The following OGDH variants were observed in gnomAD, a reference collection of about 807,000 sequenced individuals.
The protein encoded by OGDH is 2-oxoglutarate dehydrogenase complex component E1.
OGDH carries 38 observed loss-of-function variants against 116.6 expected under a neutral mutation model. The ratio of observed to expected loss-of-function variants is 0.33; its 90% CI spans 0.25 to 0.43. OGDH has a LOEUF of 0.43. Among genes scored for constraint, OGDH ranks in the 20% least tolerant of loss-of-function variants. The pLI is 1.00. For synonymous variants in OGDH, 488 were observed against 533.3 expected (o/e 0.92, Z 1.17); for missense variants, 825 against 1,357.2 (o/e 0.61, Z 6.16).
chr7:44,675,640 G>A (rs1208125747), intron 8 of OGDH, among the ~76,000 whole-genome samples: 1 of 152,168 alleles, frequency 6.6e-6, no homozygotes, highest in Non-Finnish European at 1.5e-5. Context: ...CACTTTGGGA[G>A]GCTGAGGCAG....
At chr7:44,685,323 A>G (rs117227322) in intron 10 of OGDH, among the ~76,000 whole-genome samples, 2,373 of 152,122 alleles carry the variant, frequency 0.016, 45 homozygotes, top group Non-Finnish European at 0.024. Context: ...TTCTGTCTCT[A>G]TGATTTTGAG....
At chr7:44,662,599 A>G (rs989428304) in intron 4 of OGDH, among the ~76,000 whole-genome samples, 1 of 151,472 alleles carries the variant, frequency 6.6e-6, no homozygotes, top group Non-Finnish European at 1.5e-5. Context: ...AGTAGCTGGG[A>G]TTACAGGCAC....
At chr7:44,681,094 A>T (rs7781802) in intron 9 of OGDH, among the ~76,000 whole-genome samples, 7,582 of 152,250 alleles carry the variant, frequency 0.05, 603 homozygotes, top group African/African-American at 0.17. Flanking sequence ...GTTCAGACGC[A>T]GTTGTCAATA....
intron 3 of OGDH, among the ~76,000 whole-genome samples, chr7:44,645,922 C>G (rs1038215939): frequency 6.6e-6 from 1 of 152,040 alleles, no homozygotes; most frequent in Non-Finnish European, 1.5e-5. Flanking sequence ...CAACTGAATA[C>G]TATAAGAGAA....
intron 19 of OGDH, among the ~76,000 whole-genome samples, chr7:44,700,710 G>A (rs1026079837): frequency 2.0e-5 from 3 of 152,024 alleles, no homozygotes; most frequent in Non-Finnish European, 4.4e-5. Flanking sequence ...CGTTGGAGAA[G>A]TGATTCATAA....
At chr7:44,690,149 G>A (rs1226589212) in intron 10 of OGDH, among the ~76,000 whole-genome samples, 2 of 152,184 alleles carry the variant, frequency 1.3e-5, no homozygotes, top group Non-Finnish European at 2.9e-5. Context: ...TCCAGTGGGT[G>A]GCTACAATTA....
At chr7:44,673,261 C>A (rs192468994) in intron 5 of OGDH, among the ~76,000 whole-genome samples, 7 of 152,124 alleles carry the variant, frequency 4.6e-5, no homozygotes, top group Non-Finnish European at 7.3e-5. Flanking sequence ...GAGGCTGCAA[C>A]GGGCTCTGAT....
chr7:44,656,716 C>T (rs757791354), intron 4 of OGDH, among the ~76,000 whole-genome samples: 43 of 152,344 alleles, frequency 2.8e-4, no homozygotes, highest in African/African-American at 9.6e-4. Flanking sequence ...TGCATGGTGG[C>T]TTGTCCTGTC....
chr7:44,693,790 A>T, intron 10 of OGDH, 35 bp from the exon 11 acceptor site: 1 of 1,534,948 alleles, frequency 6.5e-7, no homozygotes, highest in Non-Finnish European at 8.8e-7. Flanking sequence ...CGGCTGTGCC[A>T]GGTGCCCTCT....
chr7:44,699,212 G>A (rs915965750), intron 18 of OGDH, among the ~76,000 whole-genome samples: 1 of 151,986 alleles, frequency 6.6e-6, no homozygotes, highest in South Asian at 2.1e-4. Flanking sequence ...TGGATCACGA[G>A]GCCAGGAGTT....
At chr7:44,630,491 G>T (rs1184167641) in intron 2 of OGDH, among the ~76,000 whole-genome samples, 1 of 152,222 alleles carries the variant, frequency 6.6e-6, no homozygotes, top group African/African-American at 2.4e-5. Context: ...CAGTTGGGTG[G>T]TTGGAATGCA....
At chr7:44,644,093 T>C (rs1218485216) in intron 2 of OGDH, among the ~76,000 whole-genome samples, 1 of 152,200 alleles carries the variant, frequency 6.6e-6, no homozygotes, top group African/African-American at 2.4e-5. Flanking sequence ...TAATCCCCGC[T>C]GCTCAGGAGG....
intron 9 of OGDH, among the ~76,000 whole-genome samples, chr7:44,680,435 T>C (rs143223405): frequency 2.5e-4 from 38 of 151,672 alleles, no homozygotes; most frequent in Non-Finnish European, 4.9e-4. Context: ...GAGGATGGAG[T>C]GTCTTGCAGT....
Position 44,705,051 on chromosome 7 carries a change from C to CTTTTTTTTTTTTTTTTTT in OGDH, c.2633-2172_2633-2155dup, listed in dbSNP as rs777624714. Among the ~76,000 whole-genome samples the CTTTTTTTTTTTTTTTTTT allele has an allele frequency of 4.9e-4, 46 of 93,920 alleles. 8 individuals are homozygous for CTTTTTTTTTTTTTTTTTT. Among genetic ancestry groups the CTTTTTTTTTTTTTTTTTT allele is most frequent in the African/African-American group, 2.6e-3 (44 of 17,068 alleles). The allele number at this position is 93,920 out of a possible 152,430, so 61.6% of individuals were successfully genotyped here. ...TTGATGTACAAAAGTTTTTAATTTT[C>CTTTTTTTTTTTTTTTTTT]TTTTTTTTTTTTTTTTTTTGAGACG... is the stretch of plus-strand genomic sequence containing the variant. On this transcript the variant is annotated intron_variant, in intron 20 of 22. Transcript: ENST00000222673.
chr7:44,682,375 A>C (rs1787963373), intron 10 of OGDH, among the ~76,000 whole-genome samples: 1 of 151,184 alleles, frequency 6.6e-6, no homozygotes, highest in South Asian at 2.1e-4. Flanking sequence ...ACAAGAGCGA[A>C]ACTCCATTTC....
chr7:44,671,856 T>G (rs1585332509), intron 5 of OGDH, among the ~76,000 whole-genome samples: 1 of 148,108 alleles, frequency 6.8e-6, no homozygotes, highest in South Asian at 2.1e-4. Flanking sequence ...GATCACGAGG[T>G]CAGGAGATCA....
rs909148367 is a variant in OGDH, at chr7:44,697,715, C to T, written c.2291C>T (p.Pro764Leu). Residue 764 changes from proline to leucine, a missense_variant, in exon 17 of 23, where the codon CCG becomes CTG. This residue lies in a region of OGDH where 73 missense variants were observed against 182.3 expected (regional missense o/e 0.40). Coordinates refer to ENST00000222673, the MANE Select transcript of OGDH (RefSeq NM_002541.4). The surrounding 1 kb of genome is among the most constrained non-coding windows in gnomAD (Gnocchi z 6.0). The part of the protein sequence containing the change: ...AQCIIDQFIC[P>L]GQAKWVRQNG... Reference sequence around the variant, plus strand: ...TGTATCATCGACCAGTTCATCTGCCCGGGACAAGCCAAGTGGGTGCGGCAG... The same window carrying T: ...TGTATCATCGACCAGTTCATCTGCCTGGGACAAGCCAAGTGGGTGCGGCAG... 3 of 1,614,256 alleles carry T rather than the reference C, an allele frequency of 1.9e-6. No individual in the cohort carries two copies. The highest frequency in any genetic ancestry group is 2.5e-6 in the Non-Finnish European group (3 of 1,180,048).
chr7:44,631,007 C>T (rs554213448), intron 2 of OGDH, among the ~76,000 whole-genome samples: 1 of 152,290 alleles, frequency 6.6e-6, no homozygotes, highest in Admixed American at 6.5e-5. Context: ...GGTGGTAATG[C>T]TCGCTTGCCG....
At position 44,687,534 on chromosome 7, in the gene OGDH, G is replaced by T. The variant is rs556413101; in HGVS notation, c.1335+5686G>T. ...AGGCTCAAGCAATCCTCCCACTTCA[G>T]CCTCCTCAGTAGCTGGGACTATGGC... On this transcript the variant is annotated intron_variant, in intron 10 of 22. Coordinates refer to ENST00000222673, the MANE Select transcript of OGDH (RefSeq NM_002541.4). 2.0e-5 allele frequency among the ~76,000 whole-genome samples: 3 copies of T among 152,162 alleles called. No homozygotes were observed. The South Asian group carries it at 6.2e-4, about 32-fold the overall frequency.
Sources: gnomAD v4.1 joint callset for allele counts (sites outside exome capture counted in the v4.1 genomes callset) on GRCh38, gnomAD v4.1.1 for gene constraint, gnomAD v4.1.1 regional missense constraint, Gnocchi (gnomAD v3.1) non-coding constraint, MANE v1.5 for transcripts, NCBI Gene and HGNC (gene_info 2026-07-23, HGNC 2026-07-21) for gene names.